The following NOTCH2NLR variants were observed in gnomAD, a reference collection of about 807,000 sequenced individuals.
NOTCH2NLR encodes the protein notch 2 N-terminal like R, also known as notch 2 N-terminal like R (pseudogene).
In NOTCH2NLR, 33 loss-of-function variants were observed where a neutral mutation model predicts 35.6. The observed-to-expected ratio is 0.93, with a 90% CI of 0.70 to 1.24. The LOEUF (loss-of-function observed/expected upper bound fraction) is 1.24. Among genes scored for constraint, NOTCH2NLR ranks in the 50% most tolerant of loss-of-function variants. The probability of loss-of-function intolerance (pLI) is 0.00; values close to 1 mark genes in which losing one functional copy is unlikely to be tolerated. For synonymous variants in NOTCH2NLR, 103 were observed against 141.0 expected (o/e 0.73, Z 1.91); for missense variants, 276 against 362.2 (o/e 0.76, Z 1.93).
chr1:120,783,635 A>G (rs1651390477), intron 2 of NOTCH2NLR, among the ~76,000 whole-genome samples: 1 of 106,450 alleles, frequency 9.4e-6, no homozygotes. Context: ...TGGGACTGGA[A>G]CAGTGTATTT....
chr1:120,789,952 T>G (rs1305218404), intron 3 of NOTCH2NLR, among the ~76,000 whole-genome samples: 1 of 84,054 alleles, frequency 1.2e-5, no homozygotes, highest in Non-Finnish European at 2.1e-5. Flanking sequence ...AAATTAAAAC[T>G]TCTTCCTTGT....
rs1651216952 is a variant in NOTCH2NLR, at chr1:120,768,282, GCC to G, written c.155+4576_155+4577del. Among the ~76,000 whole-genome samples the G allele has an allele frequency of 1.8e-5, 2 of 109,676 alleles. 1 individual carries two copies. The highest frequency in any genetic ancestry group is 1.1e-4 in the African/African-American group (2 of 17,594). 72.0% of individuals were successfully genotyped at this position (109,676 alleles called of 152,430 possible). A position where few individuals can be genotyped will look rare whatever the true frequency, so the allele number is the denominator to read the frequency against. On this transcript the variant is annotated intron_variant, in intron 2 of 4. Coordinates refer to ENST00000624419, the Ensembl canonical transcript of NOTCH2NLR. ...TACCAAGCCCTGAGGTGTTCATTAA[GCC>G]CCTCTAAGGCAGAACTTGTCCTCCC...
chr1:120,764,306 A>G (rs1651166087), intron 2 of NOTCH2NLR, among the ~76,000 whole-genome samples: 1 of 106,106 alleles, frequency 9.4e-6, no homozygotes, highest in Non-Finnish European at 1.8e-5. Context: ...TGTTTTTCAG[A>G]TTAAGGCATA....
rs1312700138 is a variant in NOTCH2NLR at position 120,724,243 on chromosome 1, C to T, written c.66C>T (p.Pro22=). 3 of 1,401,792 alleles carry T rather than the reference C, an allele frequency of 2.1e-6. 1 individual carries two copies. Among genetic ancestry groups the T allele is most frequent in the Admixed American group, 4.2e-5 (2 of 47,858 alleles). 86.8% of individuals were successfully genotyped at this position (1,401,792 alleles called of 1,614,324 possible). A position where few individuals can be genotyped will look rare whatever the true frequency, so the allele number is the denominator to read the frequency against. ...CGCTCTGGCTGTGCTGGGCGGCCCC[C>T]GCGCATGGTGAGTATCGGGCTGAGG... The change falls in exon 1 of 5, where the codon CCC becomes CCT. Residue 22 remains proline (P), a synonymous_variant. Coordinates refer to ENST00000624419, the Ensembl canonical transcript of NOTCH2NLR.
chr1:120,759,868 C>A lies in NOTCH2NLR; in HGVS notation c.74-3760C>A, dbSNP rs1651115006. On this transcript the variant is annotated intron_variant, in intron 1 of 4. Coordinates refer to ENST00000624419, the Ensembl canonical transcript of NOTCH2NLR. ...CTTAGCAATTTTGAAATGTACAATA[C>A]CCTATTATTAACTATATTCACCACT... 1.8e-5 allele frequency among the ~76,000 whole-genome samples: 2 copies of A among 110,318 alleles called. 1 individual carries two copies. Among genetic ancestry groups the A allele is most frequent in the Non-Finnish European group, 3.4e-5 (2 of 59,112 alleles). 72.4% of individuals were successfully genotyped at this position (110,318 alleles called of 152,430 possible).
In NOTCH2NLR at chr1:120,776,376, T is replaced by C. The variant is rs1651306874; in HGVS notation, c.156-8598T>C. On this transcript the variant is annotated intron_variant, in intron 2 of 4. Transcript: ENST00000624419. Reference sequence around the variant, plus strand: ...TGACTGAACAGCGTGTACAGAGGTCTGGAAGTGAGAAGTAGTGTACTATAG... The same window carrying C: ...TGACTGAACAGCGTGTACAGAGGTCCGGAAGTGAGAAGTAGTGTACTATAG... Among the ~76,000 whole-genome samples the C allele has an allele frequency of 8.7e-5, 6 of 68,672 alleles. 1 individual carries two copies. Among genetic ancestry groups the C allele is most frequent in the Admixed American group, 4.5e-4 (3 of 6,614 alleles). 45.1% of individuals were successfully genotyped at this position (68,672 alleles called of 152,430 possible).
intron 2 of NOTCH2NLR, among the ~76,000 whole-genome samples, chr1:120,769,968 C>G: frequency 9.1e-6 from 1 of 109,640 alleles, no homozygotes; most frequent in East Asian, 2.2e-4. Flanking sequence ...ACTCACTAAT[C>G]AAAATAATGT....
rs1483809596 is a variant in NOTCH2NLR, at chr1:120,764,297, G to C, written c.155+588G>C. Among the ~76,000 whole-genome samples the C allele has an allele frequency of 2.8e-5, 3 of 105,938 alleles. 1 individual carries two copies. Among genetic ancestry groups the C allele is most frequent in the Non-Finnish European group, 5.3e-5 (3 of 56,338 alleles). The allele number at this position is 105,938 out of a possible 152,430, so 69.5% of individuals were successfully genotyped here. Reference sequence around the variant, plus strand: ...AAAAATATATATTAGATTCCCTTGTGTTTTTCAGATTAAGGCATACTCTTA... The same window carrying C: ...AAAAATATATATTAGATTCCCTTGTCTTTTTCAGATTAAGGCATACTCTTA... On this transcript the variant is annotated intron_variant, in intron 2 of 4. Coordinates refer to ENST00000624419, the Ensembl canonical transcript of NOTCH2NLR.
At chr1:120,783,891 A>G (rs1651393782) in intron 2 of NOTCH2NLR, among the ~76,000 whole-genome samples, 2 of 105,618 alleles carry the variant, frequency 1.9e-5, no homozygotes, top group South Asian at 5.7e-4. Flanking sequence ...TCCCTATAGG[A>G]GAGAGAATTT....
rs1335331095 is a variant in NOTCH2NLR, at chr1:120,724,651, A to C, written c.73+401A>C. On this transcript the variant is annotated intron_variant, in intron 1 of 4. Coordinates refer to ENST00000624419, the Ensembl canonical transcript of NOTCH2NLR. ...GAGGGGCTGAGCGAAGGAATGCCAG[A>C]TTCTGGCGTGGAGAGCGGGGGCAGG... Among the ~76,000 whole-genome samples the C allele has an allele frequency of 2.1e-3, 259 of 122,940 alleles. 58 individuals carry two copies. The highest frequency in any genetic ancestry group is 3.7e-3 in the Non-Finnish European group (225 of 60,958). 80.7% of individuals were successfully genotyped at this position (122,940 alleles called of 152,430 possible).
chr1:120,769,347 G>A (rs1651234592), intron 2 of NOTCH2NLR, among the ~76,000 whole-genome samples: 2 of 150,080 alleles, frequency 1.3e-5, no homozygotes, highest in Admixed American at 1.3e-4. Flanking sequence ...AGTGCATTCA[G>A]GGAGGCACAG....
At chr1:120,743,772 G>A (rs1650955585) in intron 1 of NOTCH2NLR, among the ~76,000 whole-genome samples, 1 of 124,622 alleles carries the variant, frequency 8.0e-6, no homozygotes, top group African/African-American at 3.5e-5. Context: ...AGAAGTTCTG[G>A]TATGGATAGT....
rs1324095510 is a variant in NOTCH2NLR at position 120,726,749 on chromosome 1, CT to C, written c.73+2508del. On this transcript the variant is annotated intron_variant, in intron 1 of 4. Coordinates refer to ENST00000624419, the Ensembl canonical transcript of NOTCH2NLR. The stretch of plus-strand genomic sequence containing the variant: ...TTTTCCTTTCACTTTCTTATTATTC[CT>C]TTTTTTTTGGTGTGGTGGAGAGGAG... Among the ~76,000 whole-genome samples the C allele has an allele frequency of 2.0e-4, 22 of 108,652 alleles. 7 individuals carry two copies. Among genetic ancestry groups the C allele is most frequent in the Non-Finnish European group, 2.4e-4 (14 of 57,984 alleles). 71.3% of individuals were successfully genotyped at this position (108,652 alleles called of 152,430 possible).
At chr1:120,784,444 G>C (rs1651399694) in intron 2 of NOTCH2NLR, among the ~76,000 whole-genome samples, 1 of 116,936 alleles carries the variant, frequency 8.6e-6, no homozygotes, top group Non-Finnish European at 1.6e-5. Flanking sequence ...AAACACGCTA[G>C]GGCTGCTCTC....
chr1:120,756,491 A>C lies in NOTCH2NLR; in HGVS notation c.74-7137A>C, dbSNP rs1456416229. Among the ~76,000 whole-genome samples the C allele has an allele frequency of 5.1e-5, 6 of 117,492 alleles. 3 individuals carry two copies. Among genetic ancestry groups the C allele is most frequent in the Admixed American group, 1.6e-4 (2 of 12,310 alleles). The allele number at this position is 117,492 out of a possible 152,430, so 77.1% of individuals were successfully genotyped here. A position where few individuals can be genotyped will look rare whatever the true frequency, so the allele number is the denominator to read the frequency against. ...GGTCTAAGCACAGATACCACACTGC[A>C]GATAGGGAGAAGGATATGAAAAAAA... On this transcript the variant is annotated intron_variant, in intron 1 of 4. Coordinates refer to ENST00000624419, the Ensembl canonical transcript of NOTCH2NLR.
At position 120,730,637 on chromosome 1, in the gene NOTCH2NLR, A is replaced by G. The variant is rs1483733588; in HGVS notation, c.73+6387A>G. Among the ~76,000 whole-genome samples the G allele has an allele frequency of 7.1e-5, 8 of 113,408 alleles. 1 individual carries two copies. Among genetic ancestry groups the G allele is most frequent in the East Asian group, 4.3e-4 (2 of 4,654 alleles). The allele number at this position is 113,408 out of a possible 152,430, so 74.4% of individuals were successfully genotyped here. ...ATATTATCTGTGTGGCAGAACATAC[A>G]TTGTGGTCTTAAAAAGGAGAGTAAA... is the stretch of plus-strand genomic sequence containing the variant. On this transcript the variant is annotated intron_variant, in intron 1 of 4. Transcript: ENST00000624419.
In NOTCH2NLR at chr1:120,778,356, G is replaced by C. The variant is rs1452024038; in HGVS notation, c.156-6618G>C. On this transcript the variant is annotated intron_variant, in intron 2 of 4. Transcript: ENST00000624419. Reference sequence around the variant, plus strand: ...GAAAGTGGGTTGAAAGCAGAGTTCTGTTCAAAGAATTTTCTGCTGGAAACT... The same window carrying C: ...GAAAGTGGGTTGAAAGCAGAGTTCTCTTCAAAGAATTTTCTGCTGGAAACT... Among the ~76,000 whole-genome samples, 14 of 99,350 alleles carry C rather than the reference G, an allele frequency of 1.4e-4. 4 individuals carry two copies. The highest frequency in any genetic ancestry group is 1.0e-3 in the African/African-American group (14 of 13,914). The allele number at this position is 99,350 out of a possible 152,430, so 65.2% of individuals were successfully genotyped here. A position where few individuals can be genotyped will look rare whatever the true frequency, so the allele number is the denominator to read the frequency against.
Position 120,778,307 on chromosome 1 carries a change from G to T in NOTCH2NLR, c.156-6667G>T, listed in dbSNP as rs1322442802. ...GGGCAGGCTGCCACTGCGGATTGGGGGGCCAAGAGGCCCAGCGCAAGAAGA... is the reference window on the plus strand; with the variant it reads ...GGGCAGGCTGCCACTGCGGATTGGGTGGCCAAGAGGCCCAGCGCAAGAAGA... On this transcript the variant is annotated intron_variant, in intron 2 of 4. Transcript: ENST00000624419. Among the ~76,000 whole-genome samples the T allele has an allele frequency of 1.2e-4, 8 of 69,480 alleles. 1 individual carries two copies. The African/African-American group carries it at 1.2e-3, about 10-fold the overall frequency. The allele number at this position is 69,480 out of a possible 152,430, so 45.6% of individuals were successfully genotyped here.
At chr1:120,724,325 C>A in intron 1 of NOTCH2NLR, 75 bp downstream of exon 1, 1 of 1,361,418 alleles carries the variant, frequency 7.3e-7, no homozygotes, top group Non-Finnish European at 9.6e-7. Context: ...CCCCCTCAGT[C>A]CTTCTCTGTG....
Sources: gnomAD v4.1 joint callset for allele counts (sites outside exome capture counted in the v4.1 genomes callset) on GRCh38, gnomAD v4.1.1 for gene constraint, MANE v1.5 for transcripts, NCBI Gene and HGNC (gene_info 2026-07-23, HGNC 2026-07-21) for gene names.